BACH2: variants seen among roughly 807,000 people sequenced by gnomAD.
BACH2 encodes BACH transcriptional regulator 2, also known as transcription regulator protein BACH2.
Under a neutral mutation model 61.8 loss-of-function variants are expected in BACH2, and 5 were observed. The ratio of observed to expected loss-of-function variants is 0.08; its 90% CI spans 0.04 to 0.17. The LOEUF (loss-of-function observed/expected upper bound fraction) is 0.17. BACH2 is among the 10% of genes least tolerant of loss of function. BACH2 has a pLI of 1.00. For synonymous variants in BACH2, 446 were observed against 440.1 expected, an observed-to-expected ratio of 1.01 and a Z score of -0.17; for missense variants, 824 against 1,091.1, an observed-to-expected ratio of 0.76 and a Z score of 3.45.
intron 5 of BACH2, among the ~76,000 whole-genome samples, chr6:90,037,596 TCA>T (rs1779323956): frequency 6.6e-6 from 1 of 152,182 alleles, no homozygotes; most frequent in Non-Finnish European, 1.5e-5. Context: ...GCTTCACATA[TCA>T]GTCACTAAAA....
chr6:90,250,606 C>T (rs1428570546), intron 3 of BACH2, among the ~76,000 whole-genome samples: 4 of 152,140 alleles, frequency 2.6e-5, no homozygotes, highest in African/African-American at 9.7e-5. Flanking sequence ...AAACTCCCTG[C>T]CCCAATGGTG....
intron 6 of BACH2, among the ~76,000 whole-genome samples, chr6:90,000,426 C>T (rs1411763189): frequency 6.6e-6 from 1 of 152,142 alleles, no homozygotes; most frequent in Non-Finnish European, 1.5e-5. Flanking sequence ...CCAAGTCTTA[C>T]TAACGCAACT....
chr6:90,138,787 C>G (rs1784367616), intron 4 of BACH2, among the ~76,000 whole-genome samples: 1 of 152,144 alleles, frequency 6.6e-6, no homozygotes, highest in African/African-American at 2.4e-5. Context: ...CCCAACAGCT[C>G]TATCAGGAAT....
At chr6:90,257,929 C>T (rs1288585417) in intron 2 of BACH2, among the ~76,000 whole-genome samples, 1 of 152,238 alleles carries the variant, frequency 6.6e-6, no homozygotes, top group African/African-American at 2.4e-5. Flanking sequence ...GTGTGCGCCA[C>T]CACACCCAGC....
At chr6:90,072,688 C>T (rs905181545) in intron 5 of BACH2, among the ~76,000 whole-genome samples, 7 of 152,158 alleles carry the variant, frequency 4.6e-5, no homozygotes, top group Admixed American at 2.0e-4. Context: ...TTTTCTTAGG[C>T]CTCTGACAGG....
rs1361486616 is a variant in BACH2, at chr6:89,932,428, G to A, written c.2506C>T (p.Pro836Ser). Reference protein sequence around the residue: ...MTDKCTTDEQPRKDYT With the variant: ...MTDKCTTDEQSRKDYT ...AGTCACTAGGTATAATCTTTCCTGGGCTGTTCGTCAGTTGTACACTTATCA... is the reference window on the plus strand; with the variant it reads ...AGTCACTAGGTATAATCTTTCCTGGACTGTTCGTCAGTTGTACACTTATCA... The change falls in exon 9 of 9, where the codon CCC becomes TCC. Residue 836 changes from proline (P) to serine (S), a missense_variant. Pro to Ser is a moderately conservative substitution (Grantham distance 74). This residue lies in a region of BACH2 where 135 missense variants were observed against 142.7 expected (regional missense o/e 0.95). Transcript: ENST00000257749. 1 of 1,613,806 alleles carries A rather than the reference G, an allele frequency of 6.2e-7. No individual in the cohort carries two copies. The highest frequency in any genetic ancestry group is 1.3e-5 in the African/African-American group (1 of 75,036).
chr6:90,097,744 T>C (rs1782439123), intron 4 of BACH2, among the ~76,000 whole-genome samples: 1 of 152,214 alleles, frequency 6.6e-6, no homozygotes, highest in African/African-American at 2.4e-5. Context: ...ATTTGTTTCG[T>C]TGTACAGCCT....
At chr6:89,992,244 TTATG>T (rs1776616855) in intron 6 of BACH2, among the ~76,000 whole-genome samples, 1 of 152,242 alleles carries the variant, frequency 6.6e-6, no homozygotes, top group Non-Finnish European at 1.5e-5. Context: ...TGTGTTACAA[TTATG>T]TATTATTTTC....
intron 4 of BACH2, among the ~76,000 whole-genome samples, chr6:90,196,907 T>C (rs2127846505): frequency 6.6e-6 from 1 of 152,216 alleles, no homozygotes; most frequent in Non-Finnish European, 1.5e-5. Flanking sequence ...ATTAGTCAAA[T>C]CAAATCTCTG....
intron 4 of BACH2, among the ~76,000 whole-genome samples, chr6:90,168,547 C>T (rs1767706683): frequency 1.3e-5 from 2 of 152,036 alleles, no homozygotes; most frequent in Admixed American, 6.6e-5. Flanking sequence ...GGGGAAGGTC[C>T]GAAAGGATCT....
intron 6 of BACH2, among the ~76,000 whole-genome samples, chr6:89,982,784 A>G (rs1776030426): frequency 6.6e-6 from 1 of 152,170 alleles, no homozygotes; most frequent in Non-Finnish European, 1.5e-5. Flanking sequence ...AAGTAACTTA[A>G]TCAAGGTTAC....
intron 6 of BACH2, among the ~76,000 whole-genome samples, chr6:89,989,432 T>C (rs990191627): frequency 2.0e-5 from 3 of 152,054 alleles, no homozygotes; most frequent in African/African-American, 7.2e-5. Context: ...ATTTCTTCAA[T>C]ATAGCTTTGA....
At chr6:90,150,456 C>G (rs2127829700) in intron 4 of BACH2, among the ~76,000 whole-genome samples, 1 of 152,340 alleles carries the variant, frequency 6.6e-6, no homozygotes, top group Admixed American at 6.5e-5. Context: ...TTCACATCTA[C>G]TATCTAACAC....
intron 6 of BACH2, among the ~76,000 whole-genome samples, chr6:89,975,372 T>G (rs1433812521): frequency 6.6e-6 from 1 of 152,248 alleles, no homozygotes; most frequent in African/African-American, 2.4e-5. Flanking sequence ...TTAGATAGAC[T>G]TTAACAATTT....
chr6:90,157,506 C>A (rs570068374), intron 4 of BACH2, among the ~76,000 whole-genome samples: 4 of 152,212 alleles, frequency 2.6e-5, no homozygotes, highest in African/African-American at 9.6e-5. Context: ...TAAAGCCAAC[C>A]CAGGACTGGT....
At chr6:90,014,452 A>G (rs1282106615) in intron 5 of BACH2, among the ~76,000 whole-genome samples, 48 of 68,648 alleles carry the variant, frequency 7.0e-4, no homozygotes, top group South Asian at 1.7e-3. Context: ...ATATATATAT[A>G]TATATATATA....
chr6:90,237,682 A>C (rs555518830), intron 3 of BACH2, among the ~76,000 whole-genome samples: 11 of 152,360 alleles, frequency 7.2e-5, no homozygotes, highest in Non-Finnish European at 1.0e-4. Flanking sequence ...GAAACACTGT[A>C]GTCAGCTTTT....
chr6:89,971,709 A>T (rs1775368755), intron 6 of BACH2, among the ~76,000 whole-genome samples: 1 of 152,222 alleles, frequency 6.6e-6, no homozygotes, highest in Admixed American at 6.5e-5. Context: ...GCAAAGGGAC[A>T]TCTTACATGG....
At chr6:90,090,030 T>C (rs1782096994) in intron 4 of BACH2, among the ~76,000 whole-genome samples, 1 of 152,112 alleles carries the variant, frequency 6.6e-6, no homozygotes. Context: ...GATTTAGAAT[T>C]AGAGATAAGG....
Sources: allele counts gnomAD v4.1 joint callset (sites outside exome capture counted in the v4.1 genomes callset), GRCh38; gene constraint gnomAD v4.1.1; regional missense constraint gnomAD v4.1.1; transcripts MANE v1.5; gene names NCBI Gene and HGNC (gene_info 2026-07-23, HGNC 2026-07-21).